Variants in THBD observed in about 807,000 individuals in gnomAD.
THBD encodes thrombomodulin, also known as CD141 antigen.
For missense variants in THBD, 850 were observed against 816.9 expected (o/e 1.04, Z -0.49); for synonymous variants, 449 against 374.2 (o/e 1.20, Z -2.31).
In THBD at chr20:23,048,908, G is replaced by A. The variant is rs1372486163; in HGVS notation, c.597C>T (p.Ala199=). Residue 199 remains alanine (A), a synonymous_variant, in exon 1 of 1, where the codon GCC becomes GCT. Transcript: ENST00000377103. ...GCAGCGCCTGGAAGTCCGCTCCGCG[G>A]GCCGCGAACGGGGTGCCGTAGGTGA... ...VSITYGTPFA[A]RGADFQALPV... is the part of the protein sequence containing the mutation. 19 of 1,523,372 alleles carry A rather than the reference G, an allele frequency of 1.2e-5. No individual in the cohort carries two copies. The highest frequency in any genetic ancestry group is 1.7e-5 in the Non-Finnish European group (19 of 1,138,348). 94.4% of individuals were successfully genotyped at this position (1,523,372 alleles called of 1,614,324 possible).
Position 23,049,242 on chromosome 20 carries a change from A to T in THBD, c.263T>A (p.Ile88Asn). 6.7e-7 allele frequency: 1 copy of T among 1,486,164 alleles called. No individual in the cohort carries two copies. Among genetic ancestry groups the T allele is most frequent in the Admixed American group, 2.1e-5 (1 of 46,994 alleles). 92.1% of individuals were successfully genotyped at this position (1,486,164 alleles called of 1,614,324 possible). ...DGGVGRRRLW[I>N]GLQLPPGCGD... is the part of the protein sequence containing the mutation. ...GCAGCCGGGTGGCAGCTGCAGGCCG[A>T]TCCAGAGGCGCCGGCGGCCAACGCC... Residue 88 changes from isoleucine to asparagine, a missense_variant, in exon 1 of 1, where the codon ATC (isoleucine) becomes AAC (asparagine). Transcript: ENST00000377103.
Position 23,049,507 on chromosome 20 carries a change from T to C in THBD, c.-3A>G. On this transcript the variant is annotated 5_prime_UTR_variant, in exon 1 of 1. Transcript: ENST00000377103. ...CCAAGGACCAGGACCCCAAGCATGT[T>C]ACCCAGGCGCGCCGCGTGCAGGCGC... 1 of 1,531,062 alleles carries C rather than the reference T, an allele frequency of 6.5e-7. No individual in the cohort carries two copies. Among genetic ancestry groups the C allele is most frequent in the South Asian group, 1.2e-5 (1 of 82,994 alleles). 94.8% of individuals were successfully genotyped at this position (1,531,062 alleles called of 1,614,324 possible). A position where few individuals can be genotyped will look rare whatever the true frequency, so the allele number is the denominator to read the frequency against.
chr20:23,048,683 C>A lies in THBD; in HGVS notation c.822G>T (p.Gln274His). Reference protein sequence around the residue: ...RCQCPAGAALQADGRSCTASA... With the variant: ...RCQCPAGAALHADGRSCTASA... ...ATGCGGTGCAGGAGCGCCCGTCTGC[C>A]TGCAGGGCGGCGCCGGCTGGGCACT... is the stretch of plus-strand genomic sequence containing the variant. Residue 274 changes from glutamine to histidine, a missense_variant, in exon 1 of 1, where the codon CAG becomes CAT. By Grantham distance (24) the Gln-to-His change is conservative. Coordinates refer to ENST00000377103, the MANE Select transcript of THBD (RefSeq NM_000361.3). 6.3e-7 allele frequency: 1 copy of A among 1,587,734 alleles called. No individual in the cohort carries two copies. Among genetic ancestry groups the A allele is most frequent in the Non-Finnish European group, 8.5e-7 (1 of 1,174,152 alleles).
chr20:23,048,943 C>T lies in THBD; in HGVS notation c.562G>A (p.Ala188Thr). The T allele has an allele frequency of 6.5e-7, 1 of 1,541,222 alleles. No individual in the cohort carries two copies. Among genetic ancestry groups the T allele is most frequent in the Non-Finnish European group, 8.7e-7 (1 of 1,146,424 alleles). The change falls in exon 1 of 1, where the codon GCC (alanine) becomes ACC (threonine). Residue 188 changes from alanine (A) to threonine (T), a missense_variant. Physicochemically the swap from Ala to Thr is moderately conservative, Grantham distance 58. Transcript: ENST00000377103. ...LAVEPGAAAA[A>T]VSITYGTPFA... ...GGGGTGCCGTAGGTGATCGAGACGG[C>T]GGCAGCCGCGGCGCCGGGCTCCACA...
Position 23,047,870 on chromosome 20 carries a change from GGCGCCCTGCTTCTTGCGCAGGTGGCA to G in THBD, c.1609_1634del (p.Cys537ArgfsTer80). On this transcript the variant is annotated frameshift_variant, in exon 1 of 1. Transcript: ENST00000377103. LOFTEE classifies it low-confidence loss of function (END_TRUNC). ...ACTTGTACTCCATCTTGGCCCTGGC[GGCGCCCTGCTTCTTGCGCAGGTGGCA>G]GAGGAGCGCCAAAAGCGCCACCACC... 1 of 1,602,748 alleles carries G rather than the reference GGCGCCCTGCTTCTTGCGCAGGTGGCA, an allele frequency of 6.2e-7. No individual in the cohort carries two copies. The highest frequency in any genetic ancestry group is 8.5e-7 in the Non-Finnish European group (1 of 1,175,036).
Position 23,049,653 on chromosome 20 carries a change from T to A in THBD, c.-149A>T. The A allele has an allele frequency of 9.2e-7, 1 of 1,088,442 alleles. No homozygotes were observed. Among genetic ancestry groups the A allele is most frequent in the Non-Finnish European group, 1.4e-6 (1 of 736,716 alleles). The allele number at this position is 1,088,442 out of a possible 1,614,324, so 67.4% of individuals were successfully genotyped here. Reference sequence around the variant, plus strand: ...ACTTCTTGCCGCTGCGCGCAGCCCCTGCGAGGCAGCCTCTGACATGCGGAT... The same window carrying A: ...ACTTCTTGCCGCTGCGCGCAGCCCCAGCGAGGCAGCCTCTGACATGCGGAT... On this transcript the variant is annotated 5_prime_UTR_variant, in exon 1 of 1. Coordinates refer to ENST00000377103, the MANE Select transcript of THBD (RefSeq NM_000361.3).
chr20:23,045,687 T>C lies in THBD; in HGVS notation c.*2090A>G, dbSNP rs1253491212. On this transcript the variant is annotated 3_prime_UTR_variant, in exon 1 of 1. Transcript: ENST00000377103. Reference sequence around the variant, plus strand: ...TTATTTAATTCATTCCAACAAATGATCCTATAATGCATTTATGCATTTAAA... The same window carrying C: ...TTATTTAATTCATTCCAACAAATGACCCTATAATGCATTTATGCATTTAAA... 3 of 152,180 alleles carry C rather than the reference T, an allele frequency of 2.0e-5. No homozygotes were observed. Among genetic ancestry groups the C allele is most frequent in the Non-Finnish European group, 4.4e-5 (3 of 68,046 alleles). 9.4% of individuals were successfully genotyped at this position (152,180 alleles called of 1,614,324 possible). A position where few individuals can be genotyped will look rare whatever the true frequency, so the allele number is the denominator to read the frequency against.
In THBD at chr20:23,045,649, C is replaced by A. The variant is rs1984552237; in HGVS notation, c.*2128G>T. The stretch of plus-strand genomic sequence containing the variant: ...ACACACAGCTGGGATTCGCCAGATG[C>A]CCCAGGAAGGGTTTATTTAATTCAT... On this transcript the variant is annotated 3_prime_UTR_variant, in exon 1 of 1. Transcript: ENST00000377103. The A allele has an allele frequency of 1.3e-5, 2 of 152,138 alleles. No homozygotes were observed. The highest frequency in any genetic ancestry group is 2.9e-5 in the Non-Finnish European group (2 of 68,034). The allele number at this position is 152,138 out of a possible 1,614,324, so 9.4% of individuals were successfully genotyped here. A position where few individuals can be genotyped will look rare whatever the true frequency, so the allele number is the denominator to read the frequency against.
In THBD at chr20:23,047,320, G is replaced by A. The variant is rs946142867; in HGVS notation, c.*457C>T. ...CCTGTCACATGACAAGTGGGAGTTT[G>A]TAGAGAGAGAGAGACCGGAGAGCTG... On this transcript the variant is annotated 3_prime_UTR_variant, in exon 1 of 1. Transcript: ENST00000377103. The A allele has an allele frequency of 2.5e-5, 4 of 160,940 alleles. No individual in the cohort carries two copies. Among genetic ancestry groups the A allele is most frequent in the African/African-American group, 7.2e-5 (3 of 41,706 alleles). 10.0% of individuals were successfully genotyped at this position (160,940 alleles called of 1,614,324 possible).
In THBD at chr20:23,048,020, G is replaced by A. The variant is rs1336647313; in HGVS notation, c.1485C>T (p.Pro495=). 1 of 1,609,948 alleles carries A rather than the reference G, an allele frequency of 6.2e-7. No individual in the cohort carries two copies. Among genetic ancestry groups the A allele is most frequent in the Non-Finnish European group, 8.5e-7 (1 of 1,178,392 alleles). The change falls in exon 1 of 1, where the codon CCC becomes CCT. Residue 495 remains proline, a synonymous_variant. Transcript: ENST00000377103. ...TGGAGCCGGGCGTCGGGCTGGGCGG[G>A]GGCTCGCCAGAGCCGCTGTCGCCAC... ...VDGGDSGSGE[P]PPSPTPGSTL... is the part of the protein sequence containing the mutation.
rs765759405 is a variant in THBD at position 23,049,401 on chromosome 20, C to A, written c.104G>T (p.Cys35Phe). The A allele has an allele frequency of 6.3e-6, 10 of 1,593,526 alleles. No individual in the cohort carries two copies. The highest frequency in any genetic ancestry group is 7.7e-6 in the Non-Finnish European group (9 of 1,171,278). ...CGCGGGGCCCGGGTAGAGCGCGAAGCAGTCGTGCTCGACGCACTGGCTGCC... is the reference window on the plus strand; with the variant it reads ...CGCGGGGCCCGGGTAGAGCGCGAAGAAGTCGTGCTCGACGCACTGGCTGCC... ...PGGSQCVEHD[C>F]FALYPGPATF... The change falls in exon 1 of 1, where the codon TGC (cysteine) becomes TTC (phenylalanine). Residue 35 changes from cysteine to phenylalanine, a missense_variant. Coordinates refer to ENST00000377103, the MANE Select transcript of THBD (RefSeq NM_000361.3).
rs35315479 is a variant in THBD, at chr20:23,047,183, G to C, written c.*594C>G. 1 of 152,752 alleles carries C rather than the reference G, an allele frequency of 6.5e-6. No individual in the cohort carries two copies. Among genetic ancestry groups the C allele is most frequent in the African/African-American group, 2.4e-5 (1 of 41,568 alleles). The allele number at this position is 152,752 out of a possible 1,614,324, so 9.5% of individuals were successfully genotyped here. ...GGTCAGGCACAGGTAGGGTGACTCAGGTGAGTTGGCCCAGTTCCTGGGAGG... is the reference window on the plus strand; with the variant it reads ...GGTCAGGCACAGGTAGGGTGACTCACGTGAGTTGGCCCAGTTCCTGGGAGG... On this transcript the variant is annotated 3_prime_UTR_variant, in exon 1 of 1. Coordinates refer to ENST00000377103, the MANE Select transcript of THBD (RefSeq NM_000361.3).
Position 23,048,971 on chromosome 20 carries a change from C to T in THBD, c.534G>A (p.Leu178=). 1.3e-6 allele frequency: 2 copies of T among 1,561,354 alleles called. No individual in the cohort carries two copies. The highest frequency in any genetic ancestry group is 8.7e-7 in the Non-Finnish European group (1 of 1,155,972). The change falls in exon 1 of 1, where the codon CTG becomes CTA. Residue 178 remains leucine, a synonymous_variant. Coordinates refer to ENST00000377103, the MANE Select transcript of THBD (RefSeq NM_000361.3). ...EFHFPATCRP[L]AVEPGAAAAA... ...CAGCCGCGGCGCCGGGCTCCACAGC[C>T]AGTGGCCTGCAGGTGGCTGGGAAGT...
chr20:23,049,081 CG>C lies in THBD; in HGVS notation c.423del (p.Ala142LeufsTer19), dbSNP rs1568666501. 1 of 1,578,438 alleles carries C rather than the reference CG, an allele frequency of 6.3e-7. No homozygotes were observed. The highest frequency in any genetic ancestry group is 1.9e-5 in the Admixed American group (1 of 53,826). On this transcript the variant is annotated frameshift_variant, in exon 1 of 1. Coordinates refer to ENST00000377103, the MANE Select transcript of THBD (RefSeq NM_000361.3). LOFTEE classifies it low-confidence loss of function (END_TRUNC). ...PLCGPLCVAV[S>X]AAEATVPSEP... Reference sequence around the variant, plus strand: ...TCGCTGGGCACAGTGGCCTCAGCAGCGGAGACAGCGACGCACAACGGGCCGC... The same window carrying C: ...TCGCTGGGCACAGTGGCCTCAGCAGCGAGACAGCGACGCACAACGGGCCGC...
In THBD at chr20:23,047,876, C is replaced by A; in HGVS notation, c.1629G>T (p.Gln543His). 1 of 1,603,860 alleles carries A rather than the reference C, an allele frequency of 6.2e-7. No individual in the cohort carries two copies. Among genetic ancestry groups the A allele is most frequent in the African/African-American group, 1.3e-5 (1 of 74,944 alleles). Residue 543 changes from glutamine to histidine, a missense_variant, in exon 1 of 1, where the codon CAG (glutamine) becomes CAT (histidine). Gln to His is a conservative substitution (Grantham distance 24, BLOSUM62 0). Transcript: ENST00000377103. Reference protein sequence around the residue: ...LALLCHLRKKQGAARAKMEYK... With the variant: ...LALLCHLRKKHGAARAKMEYK... ...ACTCCATCTTGGCCCTGGCGGCGCC[C>A]TGCTTCTTGCGCAGGTGGCAGAGGA... is the stretch of plus-strand genomic sequence containing the variant.
rs1166790884 is a variant in THBD, at chr20:23,048,886, G to A, written c.619C>T (p.Leu207=). ...ACCGCGGCGGAGCTGCCCACCGGCAGCGCCTGGAAGTCCGCTCCGCGGGCC... is the reference window on the plus strand; with the variant it reads ...ACCGCGGCGGAGCTGCCCACCGGCAACGCCTGGAAGTCCGCTCCGCGGGCC... ...FAARGADFQA[L]PVGSSAAVAP... The change falls in exon 1 of 1, where the codon CTG becomes TTG. Residue 207 remains leucine, a synonymous_variant. Coordinates refer to ENST00000377103, the MANE Select transcript of THBD (RefSeq NM_000361.3). 1.3e-6 allele frequency: 2 copies of A among 1,512,952 alleles called. No individual in the cohort carries two copies. Among genetic ancestry groups the A allele is most frequent in the African/African-American group, 1.4e-5 (1 of 71,910 alleles). 93.7% of individuals were successfully genotyped at this position (1,512,952 alleles called of 1,614,324 possible).
rs538228511 is a variant in THBD, at chr20:23,048,529, C to G, written c.976G>C (p.Val326Leu). 3.7e-6 allele frequency: 6 copies of G among 1,602,898 alleles called. No homozygotes were observed. The South Asian group carries it at 6.6e-5, about 18-fold the overall frequency. ...LAADQHRCED[V>L]DDCILEPSPC... ...CTGGGCTCCAGTATGCAGTCATCCACGTCCTCGCACCGGTGTTGGTCGGCC... is the reference window on the plus strand; with the variant it reads ...CTGGGCTCCAGTATGCAGTCATCCAGGTCCTCGCACCGGTGTTGGTCGGCC... Residue 326 changes from valine (V) to leucine (L), a missense_variant, in exon 1 of 1, where the codon GTG becomes CTG. Val to Leu is a conservative substitution (Grantham distance 32). Transcript: ENST00000377103.
chr20:23,048,906 C>A lies in THBD; in HGVS notation c.599G>T (p.Arg200Leu). 6.6e-7 allele frequency: 1 copy of A among 1,522,018 alleles called. No homozygotes were observed. The highest frequency in any genetic ancestry group is 8.8e-7 in the Non-Finnish European group (1 of 1,137,900). 94.3% of individuals were successfully genotyped at this position (1,522,018 alleles called of 1,614,324 possible). ...CGGCAGCGCCTGGAAGTCCGCTCCG[C>A]GGGCCGCGAACGGGGTGCCGTAGGT... ...SITYGTPFAA[R>L]GADFQALPVG... Residue 200 changes from arginine (R) to leucine (L), a missense_variant, in exon 1 of 1, where the codon CGC (arginine) becomes CTC (leucine). Arg to Leu is a moderately radical substitution (Grantham distance 102, BLOSUM62 -2). Transcript: ENST00000377103.
Position 23,049,233 on chromosome 20 carries a change from T to G in THBD, c.272A>C (p.Gln91Pro), listed in dbSNP as rs1984672327. ...VGRRRLWIGLQLPPGCGDPKR... is the reference protein window; with the variant it reads ...VGRRRLWIGLPLPPGCGDPKR... ...GGGGTCGCCGCAGCCGGGTGGCAGCTGCAGGCCGATCCAGAGGCGCCGGCG... is the reference window on the plus strand; with the variant it reads ...GGGGTCGCCGCAGCCGGGTGGCAGCGGCAGGCCGATCCAGAGGCGCCGGCG... The change falls in exon 1 of 1, where the codon CAG (glutamine) becomes CCG (proline). Residue 91 changes from glutamine to proline, a missense_variant. Physicochemically the swap from Gln to Pro is moderately conservative, Grantham distance 76 (BLOSUM62 -1). Coordinates refer to ENST00000377103, the MANE Select transcript of THBD (RefSeq NM_000361.3). 6.5e-7 allele frequency: 1 copy of G among 1,540,046 alleles called. No individual in the cohort carries two copies. Among genetic ancestry groups the G allele is most frequent in the South Asian group, 1.2e-5 (1 of 84,214 alleles).
Sources: gnomAD v4.1 joint callset for allele counts on GRCh38, gnomAD v4.1.1 for gene constraint, MANE v1.5 for transcripts, NCBI Gene and HGNC (gene_info 2026-07-23, HGNC 2026-07-21) for gene names.